CCNT1: variants seen among roughly 807,000 people sequenced by gnomAD.
The protein encoded by CCNT1 is cyclin-T1.
CCNT1 carries 18 observed loss-of-function variants against 67.3 expected under a neutral mutation model. That is an observed-to-expected ratio of 0.27 (90% CI 0.18 to 0.40). The LOEUF (loss-of-function observed/expected upper bound fraction) is 0.40, where lower values mean the gene tolerates loss of function less well. Among genes scored for constraint, CCNT1 ranks in the 10% least tolerant of loss-of-function variants. The pLI is 1.00. For missense variants in CCNT1, 744 were observed against 884.9 expected (o/e 0.84, Z 2.02); for synonymous variants, 333 against 310.3 (o/e 1.07, Z -0.77).
In CCNT1 at chr12:48,689,418, C is replaced by A. The variant is rs1342348652; in HGVS notation, c.*3615G>T. On this transcript the variant is annotated 3_prime_UTR_variant, in exon 9 of 9. Coordinates refer to ENST00000261900, the MANE Select transcript of CCNT1 (RefSeq NM_001240.4). ...TGACAGTGTGATACAACATGAAAAT[C>A]TCCTAAACCATCAGGAGCAAACACT... 15 of 152,146 alleles carry A rather than the reference C, an allele frequency of 9.9e-5. No homozygotes were observed. The highest frequency in any genetic ancestry group is 1.5e-5 in the Non-Finnish European group (1 of 68,032). 9.4% of individuals were successfully genotyped at this position (152,146 alleles called of 1,614,324 possible).
chr12:48,693,744 A>C lies in CCNT1; in HGVS notation c.1470T>G (p.Ala490=), dbSNP rs754850196. 1.1e-5 allele frequency: 18 copies of C among 1,614,080 alleles called. No homozygotes were observed. The highest frequency in any genetic ancestry group is 1.5e-5 in the Non-Finnish European group (18 of 1,180,016). ...TGTCCTCTACAGAATTGTGCTTATC[A>C]GCTGCAGCATGGACTTTTATGCGCA... ...IKMRIKVHAA[A]DKHNSVEDSV... Residue 490 remains alanine, a synonymous_variant, in exon 9 of 9, where the codon GCT becomes GCG. Transcript: ENST00000261900.
At chr12:48,701,671 A>G (rs1940272161) in intron 3 of CCNT1, among the ~76,000 whole-genome samples, 1 of 151,504 alleles carries the variant, frequency 6.6e-6, no homozygotes, top group Non-Finnish European at 1.5e-5. Flanking sequence ...GCAATGGCAC[A>G]ATCTCGGCTC....
In CCNT1 at chr12:48,700,993, T is replaced by A; in HGVS notation, c.433+20A>T. Reference sequence around the variant, plus strand: ...TTATTGCATAATTTAAAAAAATGTTTCAAAGGAAAATAAACTTACCTAAAG... The same window carrying A: ...TTATTGCATAATTTAAAAAAATGTTACAAAGGAAAATAAACTTACCTAAAG... On this transcript the variant is annotated intron_variant, in intron 4 of 8. Coordinates refer to ENST00000261900, the MANE Select transcript of CCNT1 (RefSeq NM_001240.4). The A allele has an allele frequency of 7.1e-7, 1 of 1,408,080 alleles. No homozygotes were observed. Among genetic ancestry groups the A allele is most frequent in the Non-Finnish European group, 9.8e-7 (1 of 1,016,334 alleles). The allele number at this position is 1,408,080 out of a possible 1,614,324, so 87.2% of individuals were successfully genotyped here.
At position 48,690,718 on chromosome 12, in the gene CCNT1, G is replaced by C. The variant is rs1377844038; in HGVS notation, c.*2315C>G. ...TTTTTTCTAGTTCACTCCTGGCAAA[G>C]TTCTAAGGAACTTTACTACAGTACG... is the stretch of plus-strand genomic sequence containing the variant. On this transcript the variant is annotated 3_prime_UTR_variant, in exon 9 of 9. Coordinates refer to ENST00000261900, the MANE Select transcript of CCNT1 (RefSeq NM_001240.4). 6.6e-6 allele frequency: 1 copy of C among 152,160 alleles called. No homozygotes were observed. Among genetic ancestry groups the C allele is most frequent in the Non-Finnish European group, 1.5e-5 (1 of 68,046 alleles). The allele number at this position is 152,160 out of a possible 1,614,324, so 9.4% of individuals were successfully genotyped here.
intron 2 of CCNT1, 21 bp downstream of exon 2, chr12:48,714,422 A>G (rs749100943): frequency 6.9e-7 from 1 of 1,455,144 alleles, no homozygotes; most frequent in South Asian, 1.1e-5. Context: ...GGATTATATC[A>G]TATAAAAAAA....
At chr12:48,700,901 G>T in intron 4 of CCNT1, 112 bp downstream of exon 4, 1 of 611,934 alleles carries the variant, frequency 1.6e-6, no homozygotes, top group Non-Finnish European at 2.9e-6. Context: ...TGGAAACAGA[G>T]GGACACTACA....
intron 6 of CCNT1, among the ~76,000 whole-genome samples, chr12:48,697,534 A>AAATATATAT (rs1288926072): frequency 7.7e-6 from 1 of 130,692 alleles, no homozygotes; most frequent in African/African-American, 3.0e-5. Context: ...AAAAAAAAAA[A>AAATATATAT]ATATATATAT....
At chr12:48,714,028 G>C (rs1055262164) in intron 2 of CCNT1, among the ~76,000 whole-genome samples, 12 of 152,070 alleles carry the variant, frequency 7.9e-5, no homozygotes, top group African/African-American at 2.9e-4. Flanking sequence ...GAGTAGCTGA[G>C]ACCACAGATG....
chr12:48,698,511 G>T (rs867088947), intron 5 of CCNT1, among the ~76,000 whole-genome samples: 6 of 152,316 alleles, frequency 3.9e-5, no homozygotes, highest in Middle Eastern at 3.4e-3. Context: ...GGAGAAGGGT[G>T]CAAGCATTTT....
intron 5 of CCNT1, among the ~76,000 whole-genome samples, chr12:48,698,712 C>T (rs1940219110): frequency 6.6e-6 from 1 of 152,154 alleles, no homozygotes; most frequent in African/African-American, 2.4e-5. Context: ...AATCCCAGCA[C>T]TTTGGGACGC....
Position 48,714,450 on chromosome 12 carries a change from G to C in CCNT1, c.236C>G (p.Pro79Arg). The change falls in exon 2 of 9, where the codon CCT becomes CGT. Residue 79 changes from proline to arginine, a missense_variant. Pro to Arg is a moderately radical substitution (Grantham distance 103, BLOSUM62 -2). Transcript: ENST00000261900. The stretch of plus-strand genomic sequence containing the variant: ...TAAAAAAATTATACTTACATTTCCA[G>C]GGAACTGTGTGAAGGACTGAATCAT... ...FYMIQSFTQFPGNSVAPAALF... is the reference protein window; with the variant it reads ...FYMIQSFTQFRGNSVAPAALF... 1 of 1,584,216 alleles carries C rather than the reference G, an allele frequency of 6.3e-7. No homozygotes were observed. Among genetic ancestry groups the C allele is most frequent in the Non-Finnish European group, 8.7e-7 (1 of 1,153,038 alleles).
intron 8 of CCNT1, 131 bp downstream of exon 8, chr12:48,695,628 A>T: frequency 1.6e-6 from 1 of 638,264 alleles, no homozygotes; most frequent in Non-Finnish European, 2.8e-6. Context: ...TATGAAGTAG[A>T]AGTCATGATT....
At chr12:48,701,521 T>A (rs1171915160) in intron 3 of CCNT1, among the ~76,000 whole-genome samples, 1 of 152,104 alleles carries the variant, frequency 6.6e-6, no homozygotes, top group Non-Finnish European at 1.5e-5. Context: ...CACCATATAT[T>A]TGGTTCATTT....
At chr12:48,710,878 T>C (rs962302398) in intron 2 of CCNT1, among the ~76,000 whole-genome samples, 6 of 152,084 alleles carry the variant, frequency 3.9e-5, no homozygotes, top group African/African-American at 1.2e-4. Context: ...CTGGCCAAGA[T>C]GGTGAAACCC....
intron 1 of CCNT1, among the ~76,000 whole-genome samples, chr12:48,716,271 G>A (rs962531102): frequency 6.6e-6 from 1 of 152,234 alleles, no homozygotes; most frequent in Non-Finnish European, 1.5e-5. Context: ...AAAACACAAA[G>A]CCGGGAAGGA....
rs139274371 is a variant in CCNT1 at position 48,710,482 on chromosome 12, AAAG to A, written c.243+3958_243+3960del. ...ATTTTGAAAAAGGTCATGACATCCAAAAGAATATCCCTATACTAGCCAGGTGCA... is the reference window on the plus strand; with the variant it reads ...ATTTTGAAAAAGGTCATGACATCCAAAATATCCCTATACTAGCCAGGTGCA... On this transcript the variant is annotated intron_variant, in intron 2 of 8. Transcript: ENST00000261900. 6.9e-3 allele frequency among the ~76,000 whole-genome samples: 1,047 copies of A among 152,322 alleles called. 11 individuals carry two copies. The highest frequency in any genetic ancestry group is 0.023 in the African/African-American group (965 of 41,568).
intron 2 of CCNT1, among the ~76,000 whole-genome samples, chr12:48,709,439 T>C (rs1940414409): frequency 2.0e-5 from 3 of 152,210 alleles, no homozygotes; most frequent in South Asian, 2.1e-4. Context: ...CTATAGGAAC[T>C]TGTATTAAAA....
At chr12:48,700,136 G>A (rs941785547) in intron 4 of CCNT1, among the ~76,000 whole-genome samples, 6 of 151,878 alleles carry the variant, frequency 4.0e-5, no homozygotes, top group Non-Finnish European at 4.4e-5. Flanking sequence ...TGGCTAACAC[G>A]GTGAAACCCT....
At chr12:48,696,421 CA>C (rs112293009) in intron 6 of CCNT1, among the ~76,000 whole-genome samples, 3,320 of 106,626 alleles carry the variant, frequency 0.031, 87 homozygotes, top group African/African-American at 0.093. Flanking sequence ...TGACCAGAGC[CA>C]AAAAAAAAAA....
Sources: gnomAD v4.1 joint callset for allele counts (sites outside exome capture counted in the v4.1 genomes callset) on GRCh38, gnomAD v4.1.1 for gene constraint, MANE v1.5 for transcripts, NCBI Gene and HGNC (gene_info 2026-07-23, HGNC 2026-07-21) for gene names.